Variants in AKT3 observed in about 807,000 individuals in gnomAD.
The protein encoded by AKT3 is RAC-gamma serine/threonine-protein kinase.
A neutral mutation model predicts 65.3 loss-of-function variants in AKT3; 15 were observed. The ratio of observed to expected loss-of-function variants is 0.23; its 90% CI spans 0.15 to 0.35. AKT3 has a LOEUF of 0.35. Ranked by LOEUF, AKT3 falls within the 10% of genes least tolerant of loss-of-function variation. AKT3 has a pLI of 1.00. For synonymous variants in AKT3, 206 were observed against 183.8 expected (o/e 1.12, Z -0.98); for missense variants, 243 against 576.5 (o/e 0.42, Z 5.92).
chr1:243,561,888 T>C (rs1208148517), intron 10 of AKT3, among the ~76,000 whole-genome samples: 1 of 152,172 alleles, frequency 6.6e-6, no homozygotes, highest in Non-Finnish European at 1.5e-5. Flanking sequence ...CATGCTCTTC[T>C]GTAATGTAAA....
intron 10 of AKT3, among the ~76,000 whole-genome samples, chr1:243,555,974 T>G (rs1275892415): frequency 6.6e-6 from 1 of 152,140 alleles, no homozygotes; most frequent in African/African-American, 2.4e-5. Context: ...ATACCTACCT[T>G]TAACACAAAT....
intron 2 of AKT3, among the ~76,000 whole-genome samples, chr1:243,760,466 C>T (rs1165333989): frequency 1.3e-5 from 2 of 151,938 alleles, no homozygotes; most frequent in Admixed American, 6.6e-5. Flanking sequence ...AAATACTATG[C>T]CCAGCTAACA....
intron 8 of AKT3, among the ~76,000 whole-genome samples, chr1:243,609,696 C>CTA (rs1341507384): frequency 1.3e-5 from 2 of 152,070 alleles, no homozygotes; most frequent in East Asian, 3.8e-4. Flanking sequence ...TAATACTTAT[C>CTA]TATAGCCCAA....
At chr1:243,784,357 A>T (rs1368173582) in intron 2 of AKT3, among the ~76,000 whole-genome samples, 3 of 152,008 alleles carry the variant, frequency 2.0e-5, no homozygotes, top group South Asian at 2.1e-4. Flanking sequence ...AAGGCAGACA[A>T]GGAAACCCAG....
intron 8 of AKT3, among the ~76,000 whole-genome samples, chr1:243,606,046 C>T (rs188252073): frequency 3.0e-4 from 46 of 152,258 alleles, no homozygotes; most frequent in Admixed American, 2.0e-3. Flanking sequence ...CCTTTCACCA[C>T]GATTGTAGGT....
intron 2 of AKT3, among the ~76,000 whole-genome samples, chr1:243,825,531 T>C (rs1481424066): frequency 6.6e-6 from 1 of 152,208 alleles, no homozygotes; most frequent in African/African-American, 2.4e-5. Context: ...TCCAAGTAAC[T>C]GTAACACCTA....
chr1:243,531,383 T>C (rs1454501174), intron 12 of AKT3, among the ~76,000 whole-genome samples: 2 of 152,172 alleles, frequency 1.3e-5, no homozygotes, highest in Non-Finnish European at 1.5e-5. Flanking sequence ...CACCTGGAAA[T>C]GTTCAACCAT....
At chr1:243,645,714 A>T (rs1680759141) in intron 5 of AKT3, among the ~76,000 whole-genome samples, 179 bp downstream of exon 5, 1 of 152,232 alleles carries the variant, frequency 6.6e-6, no homozygotes, top group African/African-American at 2.4e-5. Flanking sequence ...TCACTGAAAC[A>T]ATGTTCACCT....
At chr1:243,573,146 G>A in intron 8 of AKT3, 98 bp from the exon 9 acceptor site, 1 of 1,395,804 alleles carries the variant, frequency 7.2e-7, no homozygotes, top group Non-Finnish European at 9.8e-7. Context: ...ATATTGTGAT[G>A]ATAGATAGTG....
At chr1:243,693,236 A>C (rs1684815678) in intron 3 of AKT3, among the ~76,000 whole-genome samples, 1 of 97,064 alleles carries the variant, frequency 1.0e-5, no homozygotes, top group African/African-American at 3.9e-5. Context: ...TTTGGTAGCT[A>C]CAATTTGATA....
intron 8 of AKT3, among the ~76,000 whole-genome samples, chr1:243,600,977 G>T (rs1676961975): frequency 6.6e-6 from 1 of 152,160 alleles, no homozygotes; most frequent in South Asian, 2.1e-4. Flanking sequence ...GCTCTGTTGT[G>T]AAAGAAACAT....
chr1:243,489,083 C>A, intron 13 of AKT3: 1 of 1,613,376 alleles, frequency 6.2e-7, no homozygotes, highest in Non-Finnish European at 8.5e-7. Context: ...GCAAGCAGAA[C>A]CAGCTTCTCC....
chr1:243,689,524 A>G (rs985116220), intron 3 of AKT3, among the ~76,000 whole-genome samples: 1 of 131,508 alleles, frequency 7.6e-6, no homozygotes, highest in African/African-American at 2.9e-5. Flanking sequence ...GGGTCCTTCT[A>G]TGTTGCCCAG....
chr1:243,540,992 C>T (rs1251950598), intron 12 of AKT3, among the ~76,000 whole-genome samples: 2 of 152,060 alleles, frequency 1.3e-5, no homozygotes, highest in Non-Finnish European at 2.9e-5. Flanking sequence ...TGATGTTAAC[C>T]GTGATCACTT....
At chr1:243,496,730 T>TGGTTGCCTGGGGAACAGTTCA (rs1345408175), downstream of AKT3, among the ~76,000 whole-genome samples, 2 of 152,358 alleles carry the variant, frequency 1.3e-5, no homozygotes, top group African/African-American at 4.8e-5. Flanking sequence ...CCCCACAGTG[T>TGGTTGCCTGGGGAACAGTTCA]GGTTGCCTGG....
intron 2 of AKT3, among the ~76,000 whole-genome samples, chr1:243,731,572 AT>A (rs1160670695): frequency 1.3e-5 from 2 of 152,220 alleles, no homozygotes; most frequent in East Asian, 1.9e-4. Flanking sequence ...TAGAGAGATT[AT>A]TTTTTAAACC....
At chr1:243,560,941 T>C (rs144326340) in intron 10 of AKT3, among the ~76,000 whole-genome samples, 2,262 of 152,184 alleles carry the variant, frequency 0.015, 23 homozygotes, top group Non-Finnish European at 0.023. Flanking sequence ...CAGGGGTAAC[T>C]GAACTCCAGA....
intron 2 of AKT3, among the ~76,000 whole-genome samples, chr1:243,828,697 A>G (rs879832953): frequency 2.0e-5 from 3 of 152,168 alleles, no homozygotes; most frequent in Non-Finnish European, 4.4e-5. Flanking sequence ...AATGTGTGTT[A>G]ATGGACTGTT....
chr1:243,614,998 T>C (rs542350599), intron 7 of AKT3, 98 bp downstream of exon 7: 134 of 854,090 alleles, frequency 1.6e-4, no homozygotes, highest in Non-Finnish European at 2.2e-4. Flanking sequence ...GAAAATGAGA[T>C]ATCTAAATGA....
Sources: allele counts gnomAD v4.1 joint callset (sites outside exome capture counted in the v4.1 genomes callset), GRCh38; gene constraint gnomAD v4.1.1; transcripts MANE v1.5; gene names NCBI Gene and HGNC (gene_info 2026-07-23, HGNC 2026-07-21).